Variants in GABBR2 observed in about 807,000 individuals in gnomAD.
GABBR2 encodes the protein gamma-aminobutyric acid type B receptor subunit 2.
In GABBR2, 23 loss-of-function variants were observed where a neutral mutation model predicts 105.6. The ratio of observed to expected loss-of-function variants is 0.22; its 90% CI spans 0.16 to 0.31. The LOEUF (loss-of-function observed/expected upper bound fraction) is 0.31, where lower values mean the gene tolerates loss of function less well. Ranked by LOEUF, GABBR2 falls within the 10% of genes least tolerant of loss-of-function variation. GABBR2 has a pLI of 1.00. For synonymous variants in GABBR2, 478 were observed against 499.7 expected, an observed-to-expected ratio of 0.96 and a Z score of 0.58; for missense variants, 734 against 1,245.5, an observed-to-expected ratio of 0.59 and a Z score of 6.18.
At chr9:98,335,536 G>A (rs1406833773) in intron 13 of GABBR2, among the ~76,000 whole-genome samples, 3 of 152,032 alleles carry the variant, frequency 2.0e-5, no homozygotes, top group Admixed American at 2.0e-4. Context: ...TGATGCACAG[G>A]GCCCTTTCTA....
intron 1 of GABBR2, among the ~76,000 whole-genome samples, chr9:98,623,531 C>T (rs77105974): frequency 0.011 from 1,663 of 152,334 alleles, 36 homozygotes; most frequent in African/African-American, 0.035. Context: ...GGGCTAAAAT[C>T]CAGTTGTCAG....
At chr9:98,564,280 G>T (rs764729797) in intron 2 of GABBR2, among the ~76,000 whole-genome samples, 8 of 152,184 alleles carry the variant, frequency 5.3e-5, no homozygotes, top group African/African-American at 1.9e-4. Context: ...AGAGGCCTTC[G>T]GGAGACCTCA....
intron 7 of GABBR2, among the ~76,000 whole-genome samples, chr9:98,436,088 G>A (rs1825897274): frequency 1.3e-5 from 2 of 150,910 alleles, no homozygotes; most frequent in South Asian, 4.2e-4. Flanking sequence ...GGTTGTAAAT[G>A]TCTGTAGAAT....
chr9:98,614,474 G>T (rs1006144879), intron 1 of GABBR2, among the ~76,000 whole-genome samples: 2 of 152,084 alleles, frequency 1.3e-5, no homozygotes, highest in South Asian at 4.2e-4. Context: ...GAGGTGAGCC[G>T]AGGTTGCGCC....
Position 98,537,004 on chromosome 9 carries a change from C to T in GABBR2, c.630+4869G>A, listed in dbSNP as rs115116145. Among the ~76,000 whole-genome samples the T allele has an allele frequency of 5.1e-3, 780 of 152,268 alleles. 10 individuals carry two copies. Among genetic ancestry groups the T allele is most frequent in the African/African-American group, 0.018 (749 of 41,556 alleles). ...CTCAAGGTCTCCCACCACCAGAGGG[C>T]GTCACTTCCACCCTGAGCTCCTGAC... On this transcript the variant is annotated intron_variant, in intron 3 of 18. Coordinates refer to ENST00000259455, the MANE Select transcript of GABBR2 (RefSeq NM_005458.8).
At chr9:98,477,177 C>G (rs1374051440) in intron 5 of GABBR2, among the ~76,000 whole-genome samples, 1 of 152,210 alleles carries the variant, frequency 6.6e-6, no homozygotes, top group Non-Finnish European at 1.5e-5. Flanking sequence ...ACAGGGGCTA[C>G]TCAATCAACG....
At chr9:98,508,667 T>G (rs1487347174) in intron 3 of GABBR2, among the ~76,000 whole-genome samples, 1 of 152,002 alleles carries the variant, frequency 6.6e-6, no homozygotes, top group Non-Finnish European at 1.5e-5. Flanking sequence ...CGCTCATTGC[T>G]AGCACAGCAG....
At chr9:98,429,532 G>T (rs1825761676) in intron 7 of GABBR2, among the ~76,000 whole-genome samples, 1 of 152,088 alleles carries the variant, frequency 6.6e-6, no homozygotes, top group African/African-American at 2.4e-5. Context: ...GCCTTTTATT[G>T]AGAACTGCTT....
rs554050188 is a variant in GABBR2 at position 98,441,786 on chromosome 9, TAAA to T, written c.1236+12192_1236+12194del. Among the ~76,000 whole-genome samples the T allele has an allele frequency of 4.4e-3, 677 of 152,324 alleles. 5 individuals carry two copies. The highest frequency in any genetic ancestry group is 0.016 in the African/African-American group (649 of 41,564). On this transcript the variant is annotated intron_variant, in intron 7 of 18. Transcript: ENST00000259455. ...CTTAATGCCATTGAATTTGTACACT[TAAA>T]AATGACTAAAACAGTAAACATTATT...
chr9:98,614,312 T>G (rs1829548563), intron 1 of GABBR2, among the ~76,000 whole-genome samples: 1 of 152,096 alleles, frequency 6.6e-6, no homozygotes, highest in African/African-American at 2.4e-5. Flanking sequence ...TCACCTGAAG[T>G]CAGAAGTTCG....
chr9:98,417,799 A>G (rs1832714615), intron 7 of GABBR2, among the ~76,000 whole-genome samples: 1 of 152,200 alleles, frequency 6.6e-6, no homozygotes, highest in African/African-American at 2.4e-5. Context: ...GAGGGCTGGC[A>G]GCACAAAGGA....
intron 5 of GABBR2, among the ~76,000 whole-genome samples, chr9:98,480,656 T>C (rs1216431971): frequency 6.6e-6 from 1 of 152,132 alleles, no homozygotes; most frequent in Non-Finnish European, 1.5e-5. Flanking sequence ...TTCTGGTATC[T>C]CCCTGGCTAA....
At chr9:98,425,074 G>T (rs1450324492) in intron 7 of GABBR2, among the ~76,000 whole-genome samples, 1 of 151,328 alleles carries the variant, frequency 6.6e-6, no homozygotes, top group East Asian at 1.9e-4. Flanking sequence ...TGAAAAGGAA[G>T]AAAAAAGAGG....
intron 7 of GABBR2, among the ~76,000 whole-genome samples, chr9:98,418,665 G>A (rs532273192): frequency 9.2e-5 from 14 of 152,338 alleles, no homozygotes; most frequent in East Asian, 1.9e-4. Context: ...AAGATACCCC[G>A]GAAGTGAGGA....
At chr9:98,607,463 A>C in intron 1 of GABBR2, 1 of 582,624 alleles carries the variant, frequency 1.7e-6, no homozygotes. Context: ...AGATAATGAA[A>C]GAAACCCAAG....
intron 13 of GABBR2, among the ~76,000 whole-genome samples, chr9:98,318,031 A>C (rs1028355173): frequency 6.6e-6 from 1 of 152,222 alleles, no homozygotes; most frequent in Non-Finnish European, 1.5e-5. Flanking sequence ...AAGAGCACGC[A>C]TGGCAGAAGG....
intron 1 of GABBR2, among the ~76,000 whole-genome samples, chr9:98,634,733 G>A (rs1377042408): frequency 6.6e-6 from 1 of 152,140 alleles, no homozygotes; most frequent in Non-Finnish European, 1.5e-5. Context: ...CCTGGGAAAT[G>A]ATAGACTATA....
chr9:98,472,773 C>T (rs745757603), intron 6 of GABBR2, among the ~76,000 whole-genome samples: 3 of 152,126 alleles, frequency 2.0e-5, no homozygotes, highest in Non-Finnish European at 4.4e-5. Context: ...CGTCTTTCCT[C>T]TCCTCCAGGA....
intron 13 of GABBR2, among the ~76,000 whole-genome samples, chr9:98,315,691 G>A (rs1355838115): frequency 2.0e-5 from 3 of 152,192 alleles, no homozygotes; most frequent in South Asian, 2.1e-4. Flanking sequence ...TGTCATTGTC[G>A]TGCACCAAAG....
Sources: allele counts gnomAD v4.1 joint callset (sites outside exome capture counted in the v4.1 genomes callset), GRCh38; gene constraint gnomAD v4.1.1; transcripts MANE v1.5; gene names NCBI Gene and HGNC (gene_info 2026-07-23, HGNC 2026-07-21).